Variants in KPNB1 observed in about 807,000 individuals in gnomAD.
KPNB1 encodes the protein importin subunit beta-1.
KPNB1 carries 7 observed loss-of-function variants against 113.0 expected under a neutral mutation model. The observed-to-expected ratio is 0.06, with a 90% CI of 0.04 to 0.12. KPNB1 has a LOEUF of 0.12. KPNB1 is among the 10% of genes least tolerant of loss of function. The pLI, the probability that KPNB1 is intolerant of heterozygous loss-of-function variation, is 1.00. For synonymous variants in KPNB1, 363 were observed against 378.6 expected, an observed-to-expected ratio of 0.96 and a Z score of 0.48; for missense variants, 400 against 1,054.8, an observed-to-expected ratio of 0.38 and a Z score of 8.60.
rs1046515683 is a variant in KPNB1 at position 47,685,503 on chromosome 17, C to G, written c.*3099C>G. On this transcript the variant is annotated 3_prime_UTR_variant, in exon 22 of 22. Coordinates refer to ENST00000290158, the MANE Select transcript of KPNB1 (RefSeq NM_002265.6). ...ATAAAGTCCGCTTTATTTTTATTTT[C>G]AACATCTTGCTGCTTTTTTTTTTTT... The G allele has an allele frequency of 6.8e-6, 1 of 148,008 alleles. No individual in the cohort carries two copies. Among genetic ancestry groups the G allele is most frequent in the Non-Finnish European group, 1.5e-5 (1 of 67,272 alleles). 9.2% of individuals were successfully genotyped at this position (148,008 alleles called of 1,614,324 possible).
intron 9 of KPNB1, among the ~76,000 whole-genome samples, chr17:47,666,890 T>A (rs1176409765): frequency 6.6e-6 from 1 of 152,140 alleles, no homozygotes; most frequent in Non-Finnish European, 1.5e-5. Flanking sequence ...GTGCTGGGAT[T>A]ACAGGCATGA....
At position 47,650,188 on chromosome 17, in the gene KPNB1, C is replaced by T. The variant is rs1915490672; in HGVS notation, c.-57C>T. On this transcript the variant is annotated 5_prime_UTR_variant, in exon 1 of 22. Transcript: ENST00000290158. Reference sequence around the variant, plus strand: ...AACCCCCATCCCCAGTTCGAGCCGCCGCCCGAAAGGCCGGGCCGTCGTCTT... The same window carrying T: ...AACCCCCATCCCCAGTTCGAGCCGCTGCCCGAAAGGCCGGGCCGTCGTCTT... 3.0e-6 allele frequency: 4 copies of T among 1,329,234 alleles called. No homozygotes were observed. The highest frequency in any genetic ancestry group is 2.7e-5 in the Admixed American group (1 of 37,080). 82.3% of individuals were successfully genotyped at this position (1,329,234 alleles called of 1,614,324 possible). A position where few individuals can be genotyped will look rare whatever the true frequency, so the allele number is the denominator to read the frequency against.
chr17:47,663,899 T>G (rs1284604637), intron 7 of KPNB1, among the ~76,000 whole-genome samples: 3 of 151,516 alleles, frequency 2.0e-5, no homozygotes, highest in South Asian at 2.1e-4. Context: ...GTGGGAGGTT[T>G]GTTTGAGCCT....
In KPNB1 at chr17:47,675,361, G is replaced by GTTTTTTTTT. The variant is rs1166648701; in HGVS notation, c.1912+581_1912+589dup. ...TGCAACGGAGATTGGCAGAGGTGTTGTTTTTTTTTTGTTTTTTTTTTTTGT... is the reference window on the plus strand; with the variant it reads ...TGCAACGGAGATTGGCAGAGGTGTTGTTTTTTTTTTTTTTTTTTTGTTTTTTTTTTTTGT... On this transcript the variant is annotated intron_variant, in intron 15 of 21. Transcript: ENST00000290158. 8.1e-3 allele frequency among the ~76,000 whole-genome samples: 713 copies of GTTTTTTTTT among 88,454 alleles called. 126 individuals are homozygous for GTTTTTTTTT. The highest frequency in any genetic ancestry group is 0.016 in the Middle Eastern group (3 of 182). 58.0% of individuals were successfully genotyped at this position (88,454 alleles called of 152,430 possible). A position where few individuals can be genotyped will look rare whatever the true frequency, so the allele number is the denominator to read the frequency against.
intron 4 of KPNB1, 26 bp from the exon 5 acceptor site, chr17:47,658,482 T>G (rs763899040): frequency 6.2e-7 from 1 of 1,606,742 alleles, no homozygotes; most frequent in Non-Finnish European, 8.5e-7. Context: ...GACTGTATAT[T>G]CATTGCACTT....
chr17:47,675,133 T>A (rs549200625), intron 15 of KPNB1, among the ~76,000 whole-genome samples: 1 of 152,196 alleles, frequency 6.6e-6, no homozygotes, highest in African/African-American at 2.4e-5. Context: ...TTTGTTTGTG[T>A]GTGAAGATAG....
intron 9 of KPNB1, among the ~76,000 whole-genome samples, chr17:47,666,918 C>T (rs2030305773): frequency 6.6e-6 from 1 of 151,098 alleles, no homozygotes; most frequent in African/African-American, 2.4e-5. Context: ...CACCCGGCCT[C>T]CTTTCTTATA....
intron 9 of KPNB1, among the ~76,000 whole-genome samples, chr17:47,665,953 T>C (rs1002456609): frequency 1.3e-5 from 2 of 152,222 alleles, no homozygotes; most frequent in African/African-American, 4.8e-5. Flanking sequence ...ATTCTCAATA[T>C]AGCAGTTTCA....
intron 3 of KPNB1, among the ~76,000 whole-genome samples, chr17:47,654,775 A>G (rs1266192552): frequency 6.6e-6 from 1 of 152,216 alleles, no homozygotes; most frequent in Non-Finnish European, 1.5e-5. Context: ...AGTGCACTCC[A>G]CATATGTACT....
chr17:47,669,075 G>C (rs2030374832), intron 10 of KPNB1, among the ~76,000 whole-genome samples: 1 of 149,908 alleles, frequency 6.7e-6, no homozygotes, highest in African/African-American at 2.4e-5. Context: ...TGAGAATTCT[G>C]AGTATCTGAG....
At chr17:47,679,655 C>T (rs1404222686) in intron 19 of KPNB1, among the ~76,000 whole-genome samples, 1 of 151,796 alleles carries the variant, frequency 6.6e-6, no homozygotes. Context: ...GGATGTAGTC[C>T]TGCCATATGA....
chr17:47,665,375 AGGAATGAGC>A (rs1329675409), intron 9 of KPNB1, among the ~76,000 whole-genome samples: 8 of 152,336 alleles, frequency 5.3e-5, no homozygotes, highest in African/African-American at 1.9e-4. Flanking sequence ...CATCTTGCTC[AGGAATGAGC>A]CACATGCTGC....
intron 3 of KPNB1, among the ~76,000 whole-genome samples, chr17:47,654,687 A>G (rs1476589935): frequency 6.6e-6 from 1 of 152,224 alleles, no homozygotes; most frequent in Non-Finnish European, 1.5e-5. Flanking sequence ...GGACATCCGT[A>G]GTTTCTAAAT....
chr17:47,653,465 C>T (rs1364530105), intron 3 of KPNB1, among the ~76,000 whole-genome samples: 3 of 152,088 alleles, frequency 2.0e-5, no homozygotes, highest in African/African-American at 7.2e-5. Flanking sequence ...TGGTCTTGAA[C>T]TCCTGACCTC....
chr17:47,651,431 T>C (rs1477756954), intron 2 of KPNB1: 1 of 783,592 alleles, frequency 1.3e-6, no homozygotes, highest in Non-Finnish European at 1.5e-6. Flanking sequence ...TTGTGTTATA[T>C]AGGCAAAATG....
At position 47,675,361 on chromosome 17, in the gene KPNB1, GTTTTT is replaced by G. The variant is rs1166648701; in HGVS notation, c.1912+585_1912+589del. The stretch of plus-strand genomic sequence containing the variant: ...TGCAACGGAGATTGGCAGAGGTGTT[GTTTTT>G]TTTTTGTTTTTTTTTTTTGTTTGTT... On this transcript the variant is annotated intron_variant, in intron 15 of 21. Coordinates refer to ENST00000290158, the MANE Select transcript of KPNB1 (RefSeq NM_002265.6). Among the ~76,000 whole-genome samples, 568 of 88,596 alleles carry G rather than the reference GTTTTT, an allele frequency of 6.4e-3. 26 individuals are homozygous for G. The highest frequency in any genetic ancestry group is 0.02 in the African/African-American group (422 of 21,504). 58.1% of individuals were successfully genotyped at this position (88,596 alleles called of 152,430 possible). A position where few individuals can be genotyped will look rare whatever the true frequency, so the allele number is the denominator to read the frequency against.
At chr17:47,662,739 C>T (rs1290085606) in intron 6 of KPNB1, among the ~76,000 whole-genome samples, 7 of 151,884 alleles carry the variant, frequency 4.6e-5, no homozygotes, top group South Asian at 2.1e-4. Context: ...AAAAATTAGC[C>T]GGGCATGGTG....
intron 6 of KPNB1, among the ~76,000 whole-genome samples, chr17:47,662,715 CT>C (rs1751656143): frequency 6.6e-6 from 1 of 151,974 alleles, no homozygotes; most frequent in African/African-American, 2.4e-5. Flanking sequence ...AACCCCGTCT[CT>C]ACTAAAAATA....
chr17:47,658,717 T>C lies in KPNB1; in HGVS notation c.636+57T>C, dbSNP rs2029986374. 76 of 1,477,514 alleles carry C rather than the reference T, an allele frequency of 5.1e-5. No individual in the cohort carries two copies. In the South Asian group the frequency reaches 8.9e-4, roughly 17 times the overall value. 91.5% of individuals were successfully genotyped at this position (1,477,514 alleles called of 1,614,324 possible). Reference sequence around the variant, plus strand: ...GACAGTAAGGGATGAAAGAGTTGAATGAAAGTTTTTTGTTTTGTTTTCTTA... The same window carrying C: ...GACAGTAAGGGATGAAAGAGTTGAACGAAAGTTTTTTGTTTTGTTTTCTTA... On this transcript the variant is annotated intron_variant, in intron 5 of 21. Transcript: ENST00000290158.
Sources: allele counts gnomAD v4.1 joint callset (sites outside exome capture counted in the v4.1 genomes callset), GRCh38; gene constraint gnomAD v4.1.1; transcripts MANE v1.5; gene names NCBI Gene and HGNC (gene_info 2026-07-23, HGNC 2026-07-21).